The following KDM4C variants were observed in gnomAD, a reference collection of about 807,000 sequenced individuals.
KDM4C encodes lysine-specific demethylase 4C.
In KDM4C, 81 loss-of-function variants were observed where a neutral mutation model predicts 129.3. The observed-to-expected ratio is 0.63, with a 90% CI of 0.52 to 0.75. The LOEUF (loss-of-function observed/expected upper bound fraction) is 0.75, where lower values mean the gene tolerates loss of function less well. Among genes scored for constraint, KDM4C ranks in the 30% least tolerant of loss-of-function variants. The pLI, the probability that KDM4C is intolerant of heterozygous loss-of-function variation, is 0.00. For synonymous variants in KDM4C, 573 were observed against 456.1 expected, an observed-to-expected ratio of 1.26 and a Z score of -3.26; for missense variants, 1,457 against 1,304.0, an observed-to-expected ratio of 1.12 and a Z score of -1.81.
In KDM4C at chr9:6,992,790, G is replaced by A. The variant is rs114654894; in HGVS notation, c.1786+2266G>A. On this transcript the variant is annotated intron_variant, in intron 12 of 21. Coordinates refer to ENST00000381309, the MANE Select transcript of KDM4C (RefSeq NM_015061.6). Reference sequence around the variant, plus strand: ...TCTGCTCCTTTTGCACTCCTCATACGTAGGAGCATAACTATATTAGAGCAT... The same window carrying A: ...TCTGCTCCTTTTGCACTCCTCATACATAGGAGCATAACTATATTAGAGCAT... Among the ~76,000 whole-genome samples the A allele has an allele frequency of 8.8e-3, 1,339 of 152,258 alleles. 23 individuals carry two copies. Among genetic ancestry groups the A allele is most frequent in the African/African-American group, 0.031 (1,284 of 41,536 alleles).
At chr9:6,759,892 G>A (rs1030503596) in intron 1 of KDM4C, among the ~76,000 whole-genome samples, 1 of 148,758 alleles carries the variant, frequency 6.7e-6, no homozygotes, top group African/African-American at 2.5e-5. Flanking sequence ...CGTGAGCCGA[G>A]ATGGCACCAC....
At chr9:6,834,781 C>T in intron 4 of KDM4C, 1 of 1,286,972 alleles carries the variant, frequency 7.8e-7, no homozygotes, top group South Asian at 1.2e-5. Context: ...CCGAGGCCCC[C>T]CTGAACCCCA....
At chr9:6,962,735 G>A (rs1830240006) in intron 8 of KDM4C, among the ~76,000 whole-genome samples, 3 of 151,600 alleles carry the variant, frequency 2.0e-5, no homozygotes, top group African/African-American at 4.9e-5. Context: ...AGTTCTTCTG[G>A]GCATTTAGAT....
chr9:6,763,241 A>G (rs748190840), intron 1 of KDM4C, among the ~76,000 whole-genome samples: 1 of 152,000 alleles, frequency 6.6e-6, no homozygotes, highest in African/African-American at 2.4e-5. Context: ...TCTCCTTCCT[A>G]CCAAACTCAT....
At chr9:6,955,749 T>A (rs1398001442) in intron 8 of KDM4C, among the ~76,000 whole-genome samples, 2 of 152,318 alleles carry the variant, frequency 1.3e-5, no homozygotes, top group East Asian at 3.9e-4. Context: ...GTTAACTCAG[T>A]TGTGGAGAAA....
chr9:7,062,415 C>T (rs538477710), intron 17 of KDM4C, among the ~76,000 whole-genome samples: 29 of 148,770 alleles, frequency 1.9e-4, no homozygotes, highest in Admixed American at 6.7e-4. Flanking sequence ...TGAGACAGGG[C>T]CTTGCTCTGT....
chr9:6,746,246 T>TTATATATATATATATATA (rs749012885), intron 1 of KDM4C, among the ~76,000 whole-genome samples: 1 of 116,028 alleles, frequency 8.6e-6, no homozygotes, highest in Admixed American at 9.4e-5. Flanking sequence ...CAGCCAGCCA[T>TTATATATATATATATATA]TATATATATA....
intron 15 of KDM4C, among the ~76,000 whole-genome samples, chr9:7,039,143 GTCTGT>G (rs1228006733): frequency 6.6e-6 from 1 of 151,646 alleles, no homozygotes; most frequent in Non-Finnish European, 1.5e-5. Context: ...ACTTTTATAG[GTCTGT>G]TCTGTTTTTA....
intron 5 of KDM4C, among the ~76,000 whole-genome samples, chr9:6,855,194 C>G (rs1839579223): frequency 6.6e-6 from 1 of 152,140 alleles, no homozygotes; most frequent in Non-Finnish European, 1.5e-5. Flanking sequence ...GGCGCTGAGG[C>G]TCATGCCTGT....
At chr9:6,998,486 A>T (rs1335275919) in intron 12 of KDM4C, among the ~76,000 whole-genome samples, 1 of 152,176 alleles carries the variant, frequency 6.6e-6, no homozygotes, top group Non-Finnish European at 1.5e-5. Context: ...TCTAGTTCAC[A>T]TTTCTTTTAT....
intron 5 of KDM4C, among the ~76,000 whole-genome samples, chr9:6,859,781 C>T (rs1840591693): frequency 1.3e-5 from 2 of 149,726 alleles, no homozygotes; most frequent in South Asian, 2.1e-4. Flanking sequence ...AAGAGAATGG[C>T]GTGAACCTGA....
intron 8 of KDM4C, among the ~76,000 whole-genome samples, chr9:6,930,567 G>T: frequency 6.8e-6 from 1 of 147,700 alleles, no homozygotes; most frequent in African/African-American, 2.5e-5. Flanking sequence ...TGTTATATAT[G>T]TTATCTATAA....
In KDM4C at chr9:6,845,622, A is replaced by G. The variant is rs532052666; in HGVS notation, c.436-3885A>G. Among the ~76,000 whole-genome samples, 17 of 152,304 alleles carry G rather than the reference A, an allele frequency of 1.1e-4. No homozygotes were observed. In the East Asian group the frequency reaches 2.7e-3, roughly 24 times the overall value. ...TTCTCAGTTACACCTGTGTGCAAAA[A>G]TCGTGGTCCAATTGTGAGTTGTTTC... On this transcript the variant is annotated intron_variant, in intron 4 of 21. Coordinates refer to ENST00000381309, the MANE Select transcript of KDM4C (RefSeq NM_015061.6).
intron 5 of KDM4C, among the ~76,000 whole-genome samples, chr9:6,872,245 T>A (rs991369587): frequency 6.6e-6 from 1 of 152,030 alleles, no homozygotes; most frequent in Admixed American, 6.6e-5. Context: ...CTGATAAAGG[T>A]TGAAATTGGA....
In KDM4C at chr9:6,984,395, A is replaced by G. The variant is rs771667763; in HGVS notation, c.1345A>G (p.Lys449Glu). The G allele has an allele frequency of 5.0e-6, 8 of 1,607,832 alleles. No homozygotes were observed. Among genetic ancestry groups the G allele is most frequent in the Non-Finnish European group, 6.8e-6 (8 of 1,174,582 alleles). Residue 449 changes from lysine to glutamate, a missense_variant, in exon 10 of 22, where the codon AAA (lysine) becomes GAA (glutamate). Physicochemically the swap from Lys to Glu is moderately conservative, Grantham distance 56. Coordinates refer to ENST00000381309, the MANE Select transcript of KDM4C (RefSeq NM_015061.6). ...GGAGCAGAATTTATCAGATCATATC[A>G]AACTCTCAGGTGAGAAGATGGTTGA... ...QVEQNLSDHI[K>E]LSGNSCLSTS...
intron 15 of KDM4C, among the ~76,000 whole-genome samples, chr9:7,043,728 T>C (rs1379082098): frequency 6.6e-6 from 1 of 151,896 alleles, no homozygotes; most frequent in Non-Finnish European, 1.5e-5. Context: ...AACTGTGATA[T>C]CATATAAATA....
chr9:6,880,225 A>T (rs962178799), intron 6 of KDM4C, among the ~76,000 whole-genome samples, 164 bp downstream of exon 6: 2 of 150,480 alleles, frequency 1.3e-5, no homozygotes, highest in South Asian at 2.1e-4. Context: ...ACAATTTTAA[A>T]TTTTTTCACC....
chr9:7,080,446 A>G (rs956791182), intron 17 of KDM4C, among the ~76,000 whole-genome samples: 2 of 152,194 alleles, frequency 1.3e-5, no homozygotes, highest in African/African-American at 4.8e-5. Flanking sequence ...GCCATTGTAT[A>G]GTTGGGACTG....
chr9:6,800,456 T>C (rs1828720324), intron 2 of KDM4C, among the ~76,000 whole-genome samples: 1 of 152,010 alleles, frequency 6.6e-6, no homozygotes. Context: ...GGAGGATTTC[T>C]TGAGCCTGAG....
Sources: gnomAD v4.1 joint callset for allele counts (sites outside exome capture counted in the v4.1 genomes callset) on GRCh38, gnomAD v4.1.1 for gene constraint, MANE v1.5 for transcripts, NCBI Gene and HGNC (gene_info 2026-07-23, HGNC 2026-07-21) for gene names.